The following LSS variants were observed in gnomAD, a reference collection of about 807,000 sequenced individuals.
The protein encoded by LSS is 2,3-epoxysqualene-lanosterol cyclase.
A neutral mutation model predicts 110.3 loss-of-function variants in LSS; 90 were observed. That is an observed-to-expected ratio of 0.82 (90% CI 0.69 to 0.97). The LOEUF is 0.97. Among genes scored for constraint, LSS ranks in the 50% least tolerant of loss-of-function variants. The probability of loss-of-function intolerance (pLI) is 0.00; values close to 1 mark genes in which losing one functional copy is unlikely to be tolerated. For synonymous variants in LSS, 433 were observed against 400.0 expected, an observed-to-expected ratio of 1.08 and a Z score of -0.98; for missense variants, 927 against 990.0, an observed-to-expected ratio of 0.94 and a Z score of 0.85.
Position 46,228,638 on chromosome 21 carries a change from C to T in LSS, c.15-39G>A, listed in dbSNP as rs544445311. 6.1e-5 allele frequency: 98 copies of T among 1,593,572 alleles called. No individual in the cohort carries two copies. In the East Asian group the frequency reaches 2.0e-3, roughly 32 times the overall value. ...GCCATCAGCGACCCAGGCCCCGCCC[C>T]AACGCCGGCCGCCGGCCCACTGCCC... is the stretch of plus-strand genomic sequence containing the variant. On this transcript the variant is annotated intron_variant, in intron 1 of 21. Coordinates refer to ENST00000397728, the MANE Select transcript of LSS (RefSeq NM_002340.6).
chr21:46,222,800 C>T (rs1324886617), intron 3 of LSS, 62 bp from the exon 4 acceptor site: 4 of 1,261,442 alleles, frequency 3.2e-6, no homozygotes, highest in African/African-American at 2.9e-5. Flanking sequence ...AAGACCAGGC[C>T]CCTTTCCTCC....
intron 4 of LSS, chr21:46,222,313 G>A: frequency 1.9e-6 from 1 of 528,468 alleles, no homozygotes; most frequent in Non-Finnish European, 3.4e-6. Context: ...GTCAGGCCTT[G>A]TCTCCACCTG....
chr21:46,214,398 C>A (rs2080172973), intron 9 of LSS, among the ~76,000 whole-genome samples: 1 of 152,238 alleles, frequency 6.6e-6, no homozygotes, highest in Admixed American at 6.5e-5. Flanking sequence ...AACCACATCA[C>A]TGCTGAGCAA....
intron 3 of LSS, among the ~76,000 whole-genome samples, chr21:46,223,888 G>A (rs998052050): frequency 6.6e-6 from 1 of 152,188 alleles, no homozygotes; most frequent in South Asian, 2.1e-4. Flanking sequence ...AGCGAAAAGT[G>A]TCAAGGAACA....
intron 9 of LSS, among the ~76,000 whole-genome samples, chr21:46,214,901 A>AG (rs1484523383): frequency 1.3e-5 from 2 of 152,016 alleles, no homozygotes; most frequent in Non-Finnish European, 2.9e-5. Context: ...GATCTCAGGG[A>AG]GGGGCCTCTA....
In LSS at chr21:46,216,709, C is replaced by A. The variant is rs2080212323; in HGVS notation, c.648-185G>T. On this transcript the variant is annotated intron_variant, in intron 6 of 21. Coordinates refer to ENST00000397728, the MANE Select transcript of LSS (RefSeq NM_002340.6). The surrounding 1 kb of genome is among the most constrained non-coding windows in gnomAD (Gnocchi z 4.2). ...GGCACAGTTGAACCATAGGTGCACCCTCTGAGGAGCTGCACCTCCTAGTTC... is the reference window on the plus strand; with the variant it reads ...GGCACAGTTGAACCATAGGTGCACCATCTGAGGAGCTGCACCTCCTAGTTC... Among the ~76,000 whole-genome samples, 1 of 152,294 alleles carries A rather than the reference C, an allele frequency of 6.6e-6. No individual in the cohort carries two copies. The highest frequency in any genetic ancestry group is 1.5e-5 in the Non-Finnish European group (1 of 68,018).
In LSS at chr21:46,189,078, A is replaced by G. The variant is rs1329924972; in HGVS notation, c.*2026T>C. On this transcript the variant is annotated 3_prime_UTR_variant, in exon 22 of 22. Coordinates refer to ENST00000397728, the MANE Select transcript of LSS (RefSeq NM_002340.6). ...GTGACGTATGACAGCCAGAAACCCCAAATCTGCAGTTCTCCCCAGGATGAA... is the reference window on the plus strand; with the variant it reads ...GTGACGTATGACAGCCAGAAACCCCGAATCTGCAGTTCTCCCCAGGATGAA... 2.3e-5 allele frequency: 6 copies of G among 264,974 alleles called. No individual in the cohort carries two copies. Among genetic ancestry groups the G allele is most frequent in the African/African-American group, 8.8e-5 (4 of 45,304 alleles). The allele number at this position is 264,974 out of a possible 1,614,324, so 16.4% of individuals were successfully genotyped here. A position where few individuals can be genotyped will look rare whatever the true frequency, so the allele number is the denominator to read the frequency against.
chr21:46,193,988 G>A (rs977302180), intron 20 of LSS, among the ~76,000 whole-genome samples: 2 of 151,298 alleles, frequency 1.3e-5, no homozygotes, highest in African/African-American at 4.9e-5. Flanking sequence ...GTGTGCATAG[G>A]CCTGTGTGTG....
intron 5 of LSS, 66 bp downstream of exon 5, chr21:46,221,788 G>A (rs567910270): frequency 1.1e-5 from 18 of 1,607,108 alleles, no homozygotes; most frequent in South Asian, 7.7e-5. Flanking sequence ...TCTGTATCGC[G>A]TTTGTGAGAG....
intron 17 of LSS, among the ~76,000 whole-genome samples, chr21:46,198,129 T>C (rs1339014247): frequency 6.6e-6 from 1 of 152,010 alleles, no homozygotes; most frequent in Non-Finnish European, 1.5e-5. Flanking sequence ...TAGCTGAACG[T>C]AGTGGCACAT....
chr21:46,226,476 C>T (rs2080341024), intron 3 of LSS, among the ~76,000 whole-genome samples: 1 of 152,222 alleles, frequency 6.6e-6, no homozygotes, highest in Non-Finnish European at 1.5e-5. Flanking sequence ...AATCCCAGGA[C>T]AGAAAAACTC....
At chr21:46,192,672 T>C (rs774341044) in intron 20 of LSS, 9 of 451,646 alleles carry the variant, frequency 2.0e-5, no homozygotes, top group African/African-American at 1.8e-4. Context: ...TGTACATGTG[T>C]GCATAGACCT....
At chr21:46,224,199 C>T (rs1186599267) in intron 3 of LSS, among the ~76,000 whole-genome samples, 1 of 152,242 alleles carries the variant, frequency 6.6e-6, no homozygotes. Flanking sequence ...TGTCTCCTCT[C>T]TCTGCCTCGG....
At chr21:46,194,437 A>C in intron 20 of LSS, 54 bp downstream of exon 20, 22 of 1,600,830 alleles carry the variant, frequency 1.4e-5, no homozygotes, top group Non-Finnish European at 1.9e-5. Context: ...CTCACAGCTG[A>C]GTGTCCCTCC....
intron 15 of LSS, 128 bp downstream of exon 15, chr21:46,207,300 T>C: frequency 1.7e-6 from 2 of 1,180,022 alleles, no homozygotes; most frequent in Admixed American, 2.2e-5. Flanking sequence ...ATAGACACCA[T>C]CCAAGGACAA....
chr21:46,222,993 G>C (rs1359374185), intron 3 of LSS, among the ~76,000 whole-genome samples: 2 of 152,188 alleles, frequency 1.3e-5, no homozygotes, highest in Non-Finnish European at 2.9e-5. Context: ...TGGCTCCCAT[G>C]ACCACCAGGG....
intron 5 of LSS, among the ~76,000 whole-genome samples, chr21:46,220,886 T>C (rs2080269704): frequency 7.6e-6 from 1 of 131,034 alleles, no homozygotes; most frequent in African/African-American, 3.0e-5. Flanking sequence ...AGAAAGATAG[T>C]TGGCGCTTGG....
In LSS at chr21:46,194,658, A is replaced by G. The variant is rs1447968224; in HGVS notation, c.1821T>C (p.Thr607=). ...AGGCCCGGGAGACCTCTGCACAGGC[A>G]GTCCTGCAAAGACCAGAGACAGGAG... ...ACMGQTYRDG[T]ACAEVSRACD... Residue 607 remains threonine, a synonymous_variant, in exon 20 of 22, where the codon ACT becomes ACC. Transcript: ENST00000397728. 5 of 1,611,570 alleles carry G rather than the reference A, an allele frequency of 3.1e-6. No homozygotes were observed. Among genetic ancestry groups the G allele is most frequent in the Non-Finnish European group, 4.2e-6 (5 of 1,179,734 alleles).
chr21:46,207,607 G>A, intron 14 of LSS, 30 bp from the exon 15 acceptor site: 1 of 1,599,946 alleles, frequency 6.3e-7, no homozygotes, highest in Non-Finnish European at 8.5e-7. Context: ...ACTCCAGGCT[G>A]GGGGTGTCCA....
Sources: gnomAD v4.1 joint callset for allele counts (sites outside exome capture counted in the v4.1 genomes callset) on GRCh38, gnomAD v4.1.1 for gene constraint, Gnocchi (gnomAD v3.1) non-coding constraint, MANE v1.5 for transcripts, NCBI Gene and HGNC (gene_info 2026-07-23, HGNC 2026-07-21) for gene names.